The following KATNAL1 variants were observed in gnomAD, a reference collection of about 807,000 sequenced individuals.
The protein encoded by KATNAL1 is katanin catalytic subunit A1 like 1.
A neutral mutation model predicts 55.2 loss-of-function variants in KATNAL1; 32 were observed. The ratio of observed to expected loss-of-function variants is 0.58; its 90% confidence interval spans 0.44 to 0.78. The LOEUF (loss-of-function observed/expected upper bound fraction) is 0.78. KATNAL1 is among the 30% of genes least tolerant of loss of function. KATNAL1 has a pLI of 0.00. For missense variants in KATNAL1, 466 were observed against 600.9 expected (o/e 0.78, Z 2.35); for synonymous variants, 193 against 193.6 (o/e 1.00, Z 0.02).
At chr13:30,265,666 T>C (rs1417323321) in intron 3 of KATNAL1, among the ~76,000 whole-genome samples, 3 of 151,938 alleles carry the variant, frequency 2.0e-5, no homozygotes, top group Non-Finnish European at 2.9e-5. Flanking sequence ...TTTCTACTTA[T>C]GAGCCTAGCA....
At chr13:30,269,272 C>G (rs561199048) in intron 3 of KATNAL1, among the ~76,000 whole-genome samples, 1,539 of 152,322 alleles carry the variant, frequency 0.01, 24 homozygotes, top group African/African-American at 0.034. Context: ...TTGGTGGAGA[C>G]GGGGTTTCGC....
chr13:30,229,216 C>T (rs1322593140), intron 8 of KATNAL1, among the ~76,000 whole-genome samples: 1 of 152,008 alleles, frequency 6.6e-6, no homozygotes, highest in Non-Finnish European at 1.5e-5. Context: ...CCTGATAACT[C>T]CTATCAATGC....
Position 30,204,815 on chromosome 13 carries a change from C to G in KATNAL1, c.*3725G>C, listed in dbSNP as rs1050899960. The G allele has an allele frequency of 2.0e-5, 3 of 152,070 alleles. No individual in the cohort carries two copies. The highest frequency in any genetic ancestry group is 1.5e-5 in the Non-Finnish European group (1 of 68,022). 9.4% of individuals were successfully genotyped at this position (152,070 alleles called of 1,614,324 possible). A position where few individuals can be genotyped will look rare whatever the true frequency, so the allele number is the denominator to read the frequency against. On this transcript the variant is annotated 3_prime_UTR_variant, in exon 11 of 11. Transcript: ENST00000380615. ...TTAAGCCCTGAGCTATACAGCTAGA[C>G]CACCGCATGTTTTCCCCTTCCAAAA...
intron 9 of KATNAL1, among the ~76,000 whole-genome samples, chr13:30,222,925 T>C (rs936856363): frequency 4.0e-5 from 6 of 151,758 alleles, no homozygotes; most frequent in African/African-American, 1.5e-4. Flanking sequence ...AAACCCCGTC[T>C]CTACTAATAA....
chr13:30,226,204 A>G (rs7331289), intron 9 of KATNAL1, among the ~76,000 whole-genome samples: 2 of 152,158 alleles, frequency 1.3e-5, no homozygotes, highest in Non-Finnish European at 2.9e-5. Context: ...ACCATTCTGA[A>G]AAACAGTTTG....
intron 4 of KATNAL1, among the ~76,000 whole-genome samples, chr13:30,248,638 G>A (rs1878006943): frequency 2.0e-5 from 3 of 152,220 alleles, no homozygotes; most frequent in Non-Finnish European, 4.4e-5. Flanking sequence ...AAAAAAGACT[G>A]ACAACGCCGG....
chr13:30,304,331 A>G (rs180996070), intron 1 of KATNAL1, among the ~76,000 whole-genome samples: 14 of 150,058 alleles, frequency 9.3e-5, no homozygotes, highest in Admixed American at 6.7e-4. Flanking sequence ...GTGCAGCAGC[A>G]TGATCTTGGC....
In KATNAL1 at chr13:30,255,325, G is replaced by A. The variant is rs927613116; in HGVS notation, c.492+122C>T. On this transcript the variant is annotated intron_variant, in intron 4 of 10. Transcript: ENST00000380615. ...TACAAAGACTACTTAGGCTTTGAAT[G>A]AGACTTTTTTCTAACTCTTCCACGT... is the stretch of plus-strand genomic sequence containing the variant. 5.0e-5 allele frequency: 38 copies of A among 756,682 alleles called. No homozygotes were observed. The African/African-American group carries it at 6.5e-4, about 13-fold the overall frequency. 46.9% of individuals were successfully genotyped at this position (756,682 alleles called of 1,614,324 possible). A position where few individuals can be genotyped will look rare whatever the true frequency, so the allele number is the denominator to read the frequency against.
intron 8 of KATNAL1, among the ~76,000 whole-genome samples, chr13:30,228,219 T>C (rs532599982): frequency 1.2e-4 from 19 of 152,108 alleles, no homozygotes; most frequent in Non-Finnish European, 2.2e-4. Context: ...TTAGAAAATA[T>C]GTAGTGAGAA....
At chr13:30,227,759 T>TC (rs1325154459) in intron 8 of KATNAL1, among the ~76,000 whole-genome samples, 113 of 149,158 alleles carry the variant, frequency 7.6e-4, no homozygotes, top group African/African-American at 2.7e-3. Context: ...ATTTTTTTTT[T>TC]CTTTCTTTTT....
chr13:30,296,507 C>A (rs1432159840), intron 1 of KATNAL1: 1 of 732,290 alleles, frequency 1.4e-6, no homozygotes, highest in Non-Finnish European at 2.6e-6. Context: ...CAGATGAGTG[C>A]ATTGCCTACT....
intron 4 of KATNAL1, among the ~76,000 whole-genome samples, chr13:30,251,108 A>C (rs1212907355): frequency 6.9e-6 from 1 of 144,654 alleles, no homozygotes; most frequent in Non-Finnish European, 1.5e-5. Context: ...ACTGCACTCC[A>C]GTCTCTGGGC....
intron 3 of KATNAL1, among the ~76,000 whole-genome samples, chr13:30,259,341 A>AAC (rs1879052334): frequency 6.8e-6 from 1 of 148,042 alleles, no homozygotes; most frequent in African/African-American, 2.6e-5. Context: ...CTCCATCTCA[A>AAC]AGAAAAAAAA....
At chr13:30,240,140 T>C (rs1463592097) in intron 6 of KATNAL1, among the ~76,000 whole-genome samples, 1 of 152,236 alleles carries the variant, frequency 6.6e-6, no homozygotes. Flanking sequence ...TAAGACCATA[T>C]ATTATTTCTG....
chr13:30,249,232 C>CAA (rs879849637), intron 4 of KATNAL1, among the ~76,000 whole-genome samples: 4 of 132,798 alleles, frequency 3.0e-5, no homozygotes, highest in Non-Finnish European at 6.5e-5. Flanking sequence ...AATTCTGTCT[C>CAA]AAAAAAAAAA....
chr13:30,245,112 T>C (rs1044318416), intron 4 of KATNAL1, among the ~76,000 whole-genome samples: 1 of 151,744 alleles, frequency 6.6e-6, no homozygotes, highest in Admixed American at 6.6e-5. Context: ...AAAAGATAAT[T>C]GCAGGCCAAT....
chr13:30,276,516 CAA>C (rs35974864), intron 3 of KATNAL1, among the ~76,000 whole-genome samples: 58 of 99,028 alleles, frequency 5.9e-4, no homozygotes, highest in Middle Eastern at 5.8e-3. Flanking sequence ...TGAGAGATGG[CAA>C]AAAAAAAAAA....
intron 3 of KATNAL1, among the ~76,000 whole-genome samples, chr13:30,265,320 A>C (rs1879664930): frequency 6.6e-6 from 1 of 152,018 alleles, no homozygotes; most frequent in African/African-American, 2.4e-5. Flanking sequence ...ATATGTATAC[A>C]TATGTAACTA....
chr13:30,252,938 G>A (rs1415779643), intron 4 of KATNAL1, among the ~76,000 whole-genome samples: 5 of 151,988 alleles, frequency 3.3e-5, no homozygotes, highest in African/African-American at 1.2e-4. Context: ...GTAGAGACGG[G>A]GTTACACTAT....
Sources: gnomAD v4.1 joint callset for allele counts (sites outside exome capture counted in the v4.1 genomes callset) on GRCh38, gnomAD v4.1.1 for gene constraint, MANE v1.5 for transcripts, NCBI Gene and HGNC (gene_info 2026-07-23, HGNC 2026-07-21) for gene names.